The following ST6GALNAC3 variants were observed in gnomAD, a reference collection of about 807,000 sequenced individuals.
The protein encoded by ST6GALNAC3 is alpha-N-acetylgalactosaminide alpha-2,6-sialyltransferase 3.
A neutral mutation model predicts 32.7 loss-of-function variants in ST6GALNAC3; 25 were observed. The ratio of observed to expected loss-of-function variants is 0.76; its 90% CI spans 0.56 to 1.07. The LOEUF is 1.07. Ranked by LOEUF, ST6GALNAC3 falls within the 50% of genes least tolerant of loss-of-function variation. The pLI is 0.00. For synonymous variants in ST6GALNAC3, 129 were observed against 133.1 expected (o/e 0.97, Z 0.21); for missense variants, 355 against 382.4 (o/e 0.93, Z 0.60).
intron 3 of ST6GALNAC3, among the ~76,000 whole-genome samples, chr1:76,522,104 C>A (rs79471088): frequency 1.4e-5 from 2 of 144,726 alleles, no homozygotes; most frequent in Non-Finnish European, 3.0e-5. Flanking sequence ...AAAAAAAAAA[C>A]ACCATTCTAA....
At chr1:76,335,179 G>A (rs889137135) in intron 2 of ST6GALNAC3, among the ~76,000 whole-genome samples, 1 of 152,186 alleles carries the variant, frequency 6.6e-6, no homozygotes. Context: ...CTCTTACCAT[G>A]CAGTTTATAA....
intron 3 of ST6GALNAC3, among the ~76,000 whole-genome samples, chr1:76,617,430 C>T (rs2100690759): frequency 6.6e-6 from 1 of 151,936 alleles, no homozygotes; most frequent in Admixed American, 6.6e-5. Context: ...AAGAGAAAGC[C>T]AAAATCTTTA....
At chr1:76,183,876 A>ATATATATATATATATG (rs1557679664) in intron 1 of ST6GALNAC3, among the ~76,000 whole-genome samples, 4 of 143,394 alleles carry the variant, frequency 2.8e-5, no homozygotes, top group Admixed American at 7.0e-5. Context: ...ATATATATGT[A>ATATATATATATATATG]TGTTACTGAA....
chr1:76,563,645 A>T (rs1473591136), intron 3 of ST6GALNAC3, among the ~76,000 whole-genome samples: 1 of 152,244 alleles, frequency 6.6e-6, no homozygotes, highest in Non-Finnish European at 1.5e-5. Flanking sequence ...TGGTACAGTT[A>T]CAAAGTACTT....
At chr1:76,409,797 G>T (rs1369444025) in intron 2 of ST6GALNAC3, among the ~76,000 whole-genome samples, 1 of 152,234 alleles carries the variant, frequency 6.6e-6, no homozygotes, top group African/African-American at 2.4e-5. Context: ...TAGTGTTATT[G>T]AGTGATGAGA....
At chr1:76,592,494 G>A (rs943535124) in intron 3 of ST6GALNAC3, among the ~76,000 whole-genome samples, 1 of 152,128 alleles carries the variant, frequency 6.6e-6, no homozygotes, top group Non-Finnish European at 1.5e-5. Flanking sequence ...GTATGCATGA[G>A]GGAACTGTCC....
intron 2 of ST6GALNAC3, among the ~76,000 whole-genome samples, chr1:76,395,897 G>A (rs1356884197): frequency 6.6e-6 from 1 of 152,138 alleles, no homozygotes; most frequent in Non-Finnish European, 1.5e-5. Context: ...TCTAATGTTT[G>A]ATAGCAGAGT....
intron 1 of ST6GALNAC3, among the ~76,000 whole-genome samples, chr1:76,118,050 C>T (rs954490218): frequency 2.6e-5 from 4 of 152,022 alleles, no homozygotes; most frequent in African/African-American, 9.7e-5. Context: ...TATACATGTG[C>T]CATGGTGGTT....
chr1:76,270,057 C>G (rs939264476), intron 1 of ST6GALNAC3, among the ~76,000 whole-genome samples: 3 of 152,048 alleles, frequency 2.0e-5, no homozygotes, highest in Non-Finnish European at 4.4e-5. Flanking sequence ...TCCATACCCC[C>G]CAAATAGTGG....
chr1:76,275,015 C>T (rs911091754), intron 1 of ST6GALNAC3, among the ~76,000 whole-genome samples: 21 of 152,302 alleles, frequency 1.4e-4, no homozygotes, highest in African/African-American at 4.8e-4. Flanking sequence ...AGTGTGGTGT[C>T]CCTGTAGACA....
chr1:76,520,109 T>C (rs1307917345), intron 3 of ST6GALNAC3, among the ~76,000 whole-genome samples: 5 of 152,154 alleles, frequency 3.3e-5, no homozygotes, highest in African/African-American at 9.7e-5. Flanking sequence ...GTTGAGTCAG[T>C]GACTCTTTTT....
intron 1 of ST6GALNAC3, among the ~76,000 whole-genome samples, chr1:76,133,422 C>A (rs913165514): frequency 7.9e-5 from 12 of 152,280 alleles, no homozygotes; most frequent in African/African-American, 2.9e-4. Context: ...AAGTGGCCAG[C>A]AGTCAAGGGA....
intron 1 of ST6GALNAC3, among the ~76,000 whole-genome samples, chr1:76,268,917 A>T (rs1024022243): frequency 1.4e-5 from 2 of 148,004 alleles, no homozygotes; most frequent in Admixed American, 6.7e-5. Flanking sequence ...GACCTCCCAG[A>T]TCACTCTGTC....
intron 3 of ST6GALNAC3, among the ~76,000 whole-genome samples, chr1:76,609,712 T>C (rs954397586): frequency 7.9e-5 from 12 of 152,348 alleles, no homozygotes; most frequent in South Asian, 4.1e-4. Flanking sequence ...ATATTAAAGA[T>C]ACTGAGAAGT....
intron 3 of ST6GALNAC3, among the ~76,000 whole-genome samples, chr1:76,504,691 C>T (rs1451460222): frequency 2.0e-5 from 3 of 152,030 alleles, no homozygotes; most frequent in Non-Finnish European, 2.9e-5. Context: ...TTTGAAAGAA[C>T]CTAATGTGTT....
At chr1:76,235,181 C>T (rs917772254) in intron 1 of ST6GALNAC3, among the ~76,000 whole-genome samples, 2 of 152,134 alleles carry the variant, frequency 1.3e-5, no homozygotes, top group Admixed American at 6.5e-5. Context: ...AATTTTAGCA[C>T]CCAAAAGCAT....
intron 2 of ST6GALNAC3, among the ~76,000 whole-genome samples, chr1:76,319,467 C>T (rs1020805653): frequency 1.3e-5 from 2 of 151,924 alleles, no homozygotes; most frequent in African/African-American, 2.4e-5. Context: ...ATAGAATTTC[C>T]CAAATTATGG....
chr1:76,388,363 T>G (rs1281580390), intron 2 of ST6GALNAC3, among the ~76,000 whole-genome samples: 1 of 152,212 alleles, frequency 6.6e-6, no homozygotes, highest in Non-Finnish European at 1.5e-5. Flanking sequence ...TATCTCTTTG[T>G]GCTGTGTGTG....
chr1:76,591,243 G>A (rs1342034725), intron 3 of ST6GALNAC3, among the ~76,000 whole-genome samples: 3 of 151,846 alleles, frequency 2.0e-5, no homozygotes, highest in African/African-American at 7.3e-5. Flanking sequence ...GGACATTTCA[G>A]GCAAAGGGAA....
Sources: allele counts gnomAD v4.1 joint callset (sites outside exome capture counted in the v4.1 genomes callset), GRCh38; gene constraint gnomAD v4.1.1; transcripts MANE v1.5; gene names NCBI Gene and HGNC (gene_info 2026-07-23, HGNC 2026-07-21).